COL5A2: variants seen among roughly 807,000 people sequenced by gnomAD.
The protein encoded by COL5A2 is collagen type V alpha 2 chain, also known as collagen alpha-2(V) chain.
COL5A2 carries 23 observed loss-of-function variants against 208.2 expected under a neutral mutation model. The observed-to-expected ratio is 0.11, with a 90% confidence interval of 0.08 to 0.16. The LOEUF is 0.16. COL5A2 is among the 10% of genes least tolerant of loss of function. The pLI is 1.00. For synonymous variants in COL5A2, 625 were observed against 628.5 expected (o/e 0.99, Z 0.08); for missense variants, 1,590 against 1,956.4 (o/e 0.81, Z 3.53).
At chr2:189,180,077 C>T (rs1021272049), upstream of COL5A2, among the ~76,000 whole-genome samples, 41 of 152,090 alleles carry the variant, frequency 2.7e-4, no homozygotes, top group Non-Finnish European at 1.2e-4. Flanking sequence ...CAGACACACA[C>T]CCTTTAACTT....
At chr2:189,127,313 A>G (rs1013322411) in intron 1 of COL5A2, among the ~76,000 whole-genome samples, 2 of 152,016 alleles carry the variant, frequency 1.3e-5, no homozygotes, top group Non-Finnish European at 2.9e-5. Flanking sequence ...CTTTGGCTTC[A>G]TCTTCAGAGT....
intron 35 of COL5A2, among the ~76,000 whole-genome samples, chr2:189,056,386 T>C (rs1685901715): frequency 6.6e-6 from 1 of 152,248 alleles, no homozygotes; most frequent in African/African-American, 2.4e-5. Flanking sequence ...CTGATTGTCC[T>C]TGGAATTGTA....
rs565090351 is a variant in COL5A2 at position 189,138,125 on chromosome 2, C to A, written c.98-27676G>T. On this transcript the variant is annotated intron_variant, in intron 1 of 53. Transcript: ENST00000374866. ...GAGTAGCTGGGATTACAGGTGCATGCCACAATGCCCAGCTAATTTTTGTAT... is the reference window on the plus strand; with the variant it reads ...GAGTAGCTGGGATTACAGGTGCATGACACAATGCCCAGCTAATTTTTGTAT... Among the ~76,000 whole-genome samples the A allele has an allele frequency of 1.3e-5, 2 of 152,180 alleles. 1 individual carries two copies. The highest frequency in any genetic ancestry group is 4.2e-4 in the South Asian group (2 of 4,816).
chr2:189,381,246 C>G, the COL5A2 span, among the ~76,000 whole-genome samples: 1 of 152,046 alleles, frequency 6.6e-6, no homozygotes, highest in Admixed American at 6.5e-5. Context: ...TTTTTAAATG[C>G]AGAAAGCTTT....
At chr2:189,145,956 A>C (rs1688030935) in intron 1 of COL5A2, among the ~76,000 whole-genome samples, 1 of 152,102 alleles carries the variant, frequency 6.6e-6, no homozygotes, top group South Asian at 2.1e-4. Context: ...ATCTGGACTC[A>C]TAAAGAGCAA....
At chr2:189,304,669 C>T in the COL5A2 span, among the ~76,000 whole-genome samples, 3 of 152,214 alleles carry the variant, frequency 2.0e-5, no homozygotes, top group East Asian at 5.8e-4. Context: ...ATACCTTCCA[C>T]TAGGCCCTAA....
At chr2:189,228,157 A>T (rs1258148102), upstream of COL5A2, among the ~76,000 whole-genome samples, 1 of 151,996 alleles carries the variant, frequency 6.6e-6, no homozygotes, top group Non-Finnish European at 1.5e-5. Context: ...TATGGGATGC[A>T]GCAAAAGCAA....
chr2:189,204,496 ATTCAGCTTTAGATCTGTATGACTCATAT>A (rs1163546312), intron 1 of COL5A2, among the ~76,000 whole-genome samples: 2 of 152,224 alleles, frequency 1.3e-5, no homozygotes, highest in African/African-American at 2.4e-5. Flanking sequence ...TTCCCTGCTG[ATTCAGCTTTAGATCTGTATGACTCATAT>A]TTCAGTAATT....
At chr2:189,041,055 G>A (rs1685550292) in intron 50 of COL5A2, among the ~76,000 whole-genome samples, 1 of 152,196 alleles carries the variant, frequency 6.6e-6, no homozygotes, top group African/African-American at 2.4e-5. Flanking sequence ...CATGGAAGAT[G>A]TATGAAGATG....
chr2:189,223,326 T>A (rs1328930376), intron 1 of COL5A2, among the ~76,000 whole-genome samples: 2 of 152,158 alleles, frequency 1.3e-5, no homozygotes, highest in Admixed American at 1.3e-4. Flanking sequence ...TGCAAATAGC[T>A]AGCCTGGCCT....
At chr2:189,221,024 T>C (rs539169136) in intron 1 of COL5A2, among the ~76,000 whole-genome samples, 34 of 152,274 alleles carry the variant, frequency 2.2e-4, no homozygotes, top group African/African-American at 6.7e-4. Context: ...TGTTCAAATA[T>C]CAGTTAATGA....
intron 15 of COL5A2, 78 bp from the exon 16 acceptor site, chr2:189,078,647 C>G: frequency 2.6e-6 from 3 of 1,147,726 alleles, no homozygotes; most frequent in Non-Finnish European, 4.0e-6. Flanking sequence ...CCACTCAATC[C>G]AATTGAGATT....
chr2:189,183,715 T>C (rs1414113291), upstream of COL5A2, among the ~76,000 whole-genome samples: 1 of 152,184 alleles, frequency 6.6e-6, no homozygotes, highest in African/African-American at 2.4e-5. Context: ...CATTCTTTCA[T>C]TCAATTACCC....
At chr2:189,040,443 C>G (rs973220655) in intron 50 of COL5A2, among the ~76,000 whole-genome samples, 1 of 151,348 alleles carries the variant, frequency 6.6e-6, no homozygotes, top group Non-Finnish European at 1.5e-5. Context: ...CCCTTCTGCA[C>G]TTCCCCAAGG....
chr2:189,270,002 A>G, the COL5A2 span, among the ~76,000 whole-genome samples: 2 of 152,038 alleles, frequency 1.3e-5, no homozygotes, highest in Admixed American at 6.6e-5. Flanking sequence ...TTTCTTCTAG[A>G]TTTTCTAGTT....
At position 189,042,580 on chromosome 2, in the gene COL5A2, T is replaced by C. The variant is rs1685583707; in HGVS notation, c.3525+140A>G. The C allele has an allele frequency of 8.0e-6, 6 of 746,038 alleles. No homozygotes were observed. The South Asian group carries it at 9.0e-5, about 11-fold the overall frequency. 46.2% of individuals were successfully genotyped at this position (746,038 alleles called of 1,614,324 possible). A position where few individuals can be genotyped will look rare whatever the true frequency, so the allele number is the denominator to read the frequency against. ...TTAAAATTAATTGCTAAATAGCTTG[T>C]CTCATATGTGTGTTGCCAACCTCAG... On this transcript the variant is annotated intron_variant, in intron 49 of 53. Transcript: ENST00000374866.
chr2:189,426,829 G>A, the COL5A2 span, among the ~76,000 whole-genome samples: 2 of 152,194 alleles, frequency 1.3e-5, no homozygotes, highest in South Asian at 4.1e-4. Flanking sequence ...TTCAAGATGT[G>A]ACCTGGCTAC....
intron 12 of COL5A2, 32 bp from the exon 13 acceptor site, chr2:189,081,075 A>G: frequency 1.3e-6 from 2 of 1,589,212 alleles, no homozygotes; most frequent in Non-Finnish European, 1.7e-6. Context: ...GGCATTTTAC[A>G]GTCATTAATA....
chr2:189,236,170 A>G, the COL5A2 span, among the ~76,000 whole-genome samples: 1 of 151,682 alleles, frequency 6.6e-6, no homozygotes, highest in South Asian at 2.1e-4. Flanking sequence ...ATTTTGCCCC[A>G]TGAGTCTTTT....
Sources: allele counts gnomAD v4.1 joint callset (sites outside exome capture counted in the v4.1 genomes callset), GRCh38; gene constraint gnomAD v4.1.1; transcripts MANE v1.5; gene names NCBI Gene and HGNC (gene_info 2026-07-23, HGNC 2026-07-21).